Variants in CHD7 observed in about 807,000 individuals in gnomAD.
The protein encoded by CHD7 is ATP-dependent chromatin remodeler CHD7.
A neutral mutation model predicts 307.3 loss-of-function variants in CHD7; 24 were observed. The ratio of observed to expected loss-of-function variants is 0.08; its 90% CI spans 0.06 to 0.11. The LOEUF (loss-of-function observed/expected upper bound fraction) is 0.11. Among genes scored for constraint, CHD7 ranks in the 10% least tolerant of loss-of-function variants. CHD7 has a pLI of 1.00. For missense variants in CHD7, 3,106 were observed against 3,727.1 expected, an observed-to-expected ratio of 0.83 and a Z score of 4.34; for synonymous variants, 1,363 against 1,349.9, an observed-to-expected ratio of 1.01 and a Z score of -0.21.
rs11986059 is a variant in CHD7, at chr8:60,837,443, A to G, written c.4186-225A>G. Among the ~76,000 whole-genome samples, 118,917 of 152,072 alleles carry G rather than the reference A, an allele frequency of 0.78. 46,715 individuals are homozygous for G. The highest frequency in any genetic ancestry group is 0.94 in the East Asian group (4,863 of 5,178). ...TCTTCCTGGTTTATGGACAGTTATC[A>G]TCTTGCTGTGTCCTCACCCAGCTTA... On this transcript the variant is annotated intron_variant, in intron 17 of 37. Coordinates refer to ENST00000423902, the MANE Select transcript of CHD7 (RefSeq NM_017780.4).
intron 32 of CHD7, among the ~76,000 whole-genome samples, 172 bp from the exon 33 acceptor site, chr8:60,855,803 A>T (rs1805671604): frequency 1.3e-5 from 2 of 152,014 alleles, no homozygotes; most frequent in African/African-American, 4.8e-5. Context: ...ATTATAGGAG[A>T]TTTTGTTTAT....
At chr8:60,712,989 AC>A (rs1807358964) in intron 1 of CHD7, among the ~76,000 whole-genome samples, 1 of 145,556 alleles carries the variant, frequency 6.9e-6, no homozygotes, top group South Asian at 2.3e-4. Flanking sequence ...AGGGGGAGTT[AC>A]GCTGAGCCGA....
In CHD7 at chr8:60,782,359, G is replaced by T. The variant is rs1051871441; in HGVS notation, c.2096+929G>T. Among the ~76,000 whole-genome samples the T allele has an allele frequency of 5.9e-5, 9 of 152,178 alleles. No individual in the cohort carries two copies. In the South Asian group the frequency reaches 1.2e-3, roughly 21 times the overall value. Reference sequence around the variant, plus strand: ...CATTTGCTGTGAACTTTTTGAGATTGCTGCCCTGTGTGTGCATGCCCAAGT... The same window carrying T: ...CATTTGCTGTGAACTTTTTGAGATTTCTGCCCTGTGTGTGCATGCCCAAGT... On this transcript the variant is annotated intron_variant, in intron 3 of 37. Coordinates refer to ENST00000423902, the MANE Select transcript of CHD7 (RefSeq NM_017780.4).
At chr8:60,772,146 T>C (rs1016593020) in intron 2 of CHD7, among the ~76,000 whole-genome samples, 4 of 152,202 alleles carry the variant, frequency 2.6e-5, no homozygotes, top group African/African-American at 9.7e-5. Flanking sequence ...AAACTAAATT[T>C]GCCAGACTCT....
At chr8:60,717,714 G>A (rs1440703730) in intron 1 of CHD7, among the ~76,000 whole-genome samples, 1 of 130,534 alleles carries the variant, frequency 7.7e-6, no homozygotes, top group Non-Finnish European at 1.6e-5. Flanking sequence ...AGATTATAAT[G>A]GAGCTGAAAA....
chr8:60,769,391 G>C (rs1280750451), intron 2 of CHD7, among the ~76,000 whole-genome samples: 1 of 152,120 alleles, frequency 6.6e-6, no homozygotes, highest in Non-Finnish European at 1.5e-5. Context: ...TGTTTTAATT[G>C]CCACCATTAA....
At chr8:60,772,500 C>T (rs1314691003) in intron 2 of CHD7, among the ~76,000 whole-genome samples, 1 of 152,160 alleles carries the variant, frequency 6.6e-6, no homozygotes, top group Non-Finnish European at 1.5e-5. Flanking sequence ...AGCCAGGAAG[C>T]ACTGCTGTTG....
chr8:60,822,257 C>G, intron 11 of CHD7, 112 bp downstream of exon 11: 1 of 926,150 alleles, frequency 1.1e-6, no homozygotes, highest in Non-Finnish European at 1.5e-6. Context: ...AGAGCTTTTT[C>G]AAAAAACAAG....
At chr8:60,801,729 A>T in intron 6 of CHD7, 136 bp downstream of exon 6, 1 of 627,586 alleles carries the variant, frequency 1.6e-6, no homozygotes, top group Non-Finnish European at 2.8e-6. Flanking sequence ...TGTCTAATTT[A>T]TTAACCCAAT....
intron 15 of CHD7, 145 bp from the exon 16 acceptor site, chr8:60,835,928 T>C: frequency 1.6e-6 from 1 of 640,846 alleles, no homozygotes; most frequent in Non-Finnish European, 2.7e-6. Flanking sequence ...GACCCAACTA[T>C]GAGTAAGTGG....
chr8:60,774,202 A>G (rs1050359062), intron 2 of CHD7, among the ~76,000 whole-genome samples: 9 of 152,296 alleles, frequency 5.9e-5, no homozygotes, highest in Admixed American at 5.9e-4. Context: ...TTTGTAGCAG[A>G]GCTCCTATGT....
chr8:60,796,349 G>GT (rs1339335636), intron 4 of CHD7, among the ~76,000 whole-genome samples: 3 of 152,008 alleles, frequency 2.0e-5, no homozygotes, highest in Non-Finnish European at 4.4e-5. Flanking sequence ...ATTGATTTTT[G>GT]TTTTTTTACT....
intron 13 of CHD7, among the ~76,000 whole-genome samples, chr8:60,828,312 C>T (rs1001448424): frequency 6.6e-6 from 1 of 152,182 alleles, no homozygotes; most frequent in African/African-American, 2.4e-5. Context: ...ATGCATGTTT[C>T]ATCTGCGTCT....
intron 1 of CHD7, among the ~76,000 whole-genome samples, chr8:60,720,329 CTA>C (rs1807834068): frequency 6.6e-6 from 1 of 152,178 alleles, no homozygotes; most frequent in African/African-American, 2.4e-5. Context: ...GGGTCACAGA[CTA>C]TGTTCATTTT....
At chr8:60,845,565 G>A (rs1156831868) in intron 23 of CHD7, among the ~76,000 whole-genome samples, 156 bp downstream of exon 23, 1 of 152,184 alleles carries the variant, frequency 6.6e-6, no homozygotes, top group African/African-American at 2.4e-5. Context: ...TGTCTGAGGG[G>A]GGTCCTGGAA....
At chr8:60,844,029 A>G (rs138752436) in intron 21 of CHD7, among the ~76,000 whole-genome samples, 4 of 152,368 alleles carry the variant, frequency 2.6e-5, no homozygotes, top group East Asian at 3.9e-4. Context: ...GGGGCTGTTC[A>G]TACCATGAGC....
chr8:60,862,411 C>A, intron 36 of CHD7, 75 bp downstream of exon 36: 2 of 1,516,396 alleles, frequency 1.3e-6, no homozygotes, highest in Non-Finnish European at 8.9e-7. Context: ...CTGCCTTCTT[C>A]TATAGGGGAA....
chr8:60,802,553 A>G (rs1812362569), intron 6 of CHD7, among the ~76,000 whole-genome samples: 1 of 152,222 alleles, frequency 6.6e-6, no homozygotes, highest in African/African-American at 2.4e-5. Flanking sequence ...AATATATAAT[A>G]AAGACATGGT....
At chr8:60,838,476 C>T (rs1375731834) in intron 19 of CHD7, among the ~76,000 whole-genome samples, 1 of 152,188 alleles carries the variant, frequency 6.6e-6, no homozygotes, top group East Asian at 1.9e-4. Context: ...CTTGTATCTG[C>T]TTCCCAGCTC....
Sources: allele counts gnomAD v4.1 joint callset (sites outside exome capture counted in the v4.1 genomes callset), GRCh38; gene constraint gnomAD v4.1.1; transcripts MANE v1.5; gene names NCBI Gene and HGNC (gene_info 2026-07-23, HGNC 2026-07-21).